HTT: variants seen among roughly 807,000 people sequenced by gnomAD.
HTT encodes huntingtin, also known as huntington disease protein.
A neutral mutation model predicts 362.3 loss-of-function variants in HTT; 104 were observed. The observed-to-expected ratio is 0.29, with a 90% CI of 0.24 to 0.34. The LOEUF is 0.34. Ranked by LOEUF, HTT falls within the 10% of genes least tolerant of loss-of-function variation. HTT has a pLI of 1.00. For synonymous variants in HTT, 1,577 were observed against 1,548.7 expected (o/e 1.02, Z -0.43); for missense variants, 3,301 against 3,928.6 (o/e 0.84, Z 4.27).
intron 4 of HTT, 125 bp downstream of exon 4, chr4:3,104,008 C>T (rs1369716903): frequency 1.6e-6 from 1 of 618,244 alleles, no homozygotes; most frequent in Non-Finnish European, 2.9e-6. Context: ...TACAGGTATA[C>T]AATACATAAT....
chr4:3,210,007 G>T (rs943079154), intron 47 of HTT, 58 bp downstream of exon 47: 13 of 1,593,574 alleles, frequency 8.2e-6, no homozygotes, highest in African/African-American at 1.3e-5. Flanking sequence ...CTTCCAAGTG[G>T]GATTTGTCTC....
At chr4:3,083,473 A>G (rs1211758088) in intron 1 of HTT, among the ~76,000 whole-genome samples, 1 of 151,092 alleles carries the variant, frequency 6.6e-6, no homozygotes, top group Admixed American at 6.6e-5. Context: ...GCAGTGAGCT[A>G]TGATTATGCC....
intron 19 of HTT, among the ~76,000 whole-genome samples, chr4:3,134,875 G>A (rs1336834117): frequency 6.6e-6 from 1 of 152,062 alleles, no homozygotes; most frequent in Non-Finnish European, 1.5e-5. Flanking sequence ...GAGAATAGGT[G>A]TGTGCCGTCA....
intron 30 of HTT, 80 bp downstream of exon 30, chr4:3,172,477 C>T (rs1206967607): frequency 9.7e-6 from 9 of 927,102 alleles, no homozygotes; most frequent in Middle Eastern, 2.1e-4. Flanking sequence ...AAGAGGCAGG[C>T]GCTGTTGGCA....
chr4:3,191,794 C>T (rs1332795961), intron 40 of HTT, among the ~76,000 whole-genome samples: 1 of 152,170 alleles, frequency 6.6e-6, no homozygotes. Context: ...TAAATCTCAT[C>T]TTTATTACGG....
chr4:3,199,104 G>A (rs1257542499), intron 40 of HTT, among the ~76,000 whole-genome samples: 1 of 152,254 alleles, frequency 6.6e-6, no homozygotes, highest in Admixed American at 6.5e-5. Context: ...GGCGCTGAGT[G>A]TTCCCTGACT....
At chr4:3,092,116 G>A (rs564443596) in intron 2 of HTT, among the ~76,000 whole-genome samples, 3 of 152,204 alleles carry the variant, frequency 2.0e-5, no homozygotes, top group Non-Finnish European at 2.9e-5. Context: ...TCTGCTTCCC[G>A]GGTTCATGTG....
At chr4:3,197,522 C>T (rs563624902) in intron 40 of HTT, among the ~76,000 whole-genome samples, 6 of 152,288 alleles carry the variant, frequency 3.9e-5, no homozygotes, top group Non-Finnish European at 5.9e-5. Context: ...GTCTCATCTT[C>T]CACCTGAACT....
chr4:3,099,377 C>G lies in HTT; in HGVS notation c.451C>G (p.Leu151Val), dbSNP rs1180551915. The G allele has an allele frequency of 6.2e-7, 1 of 1,613,704 alleles. No individual in the cohort carries two copies. Among genetic ancestry groups the G allele is most frequent in the Admixed American group, 1.7e-5 (1 of 60,016 alleles). The change falls in exon 3 of 67, where the codon CTC becomes GTC. Residue 151 changes from leucine (L) to valine (V), a missense_variant. Leu to Val is a conservative substitution (Grantham distance 32). Coordinates refer to ENST00000355072, the MANE Select transcript of HTT (RefSeq NM_001388492.1). ...SDVRMVADEC[L>V]NKVIKALMDS... is the part of the protein sequence containing the mutation. Reference sequence around the variant, plus strand: ...TGTCAGGATGGTGGCTGACGAATGCCTCAACAAAGTTATCAAAGTAAGAAC... The same window carrying G: ...TGTCAGGATGGTGGCTGACGAATGCGTCAACAAAGTTATCAAAGTAAGAAC...
chr4:3,185,715 C>T (rs1174886170), intron 37 of HTT, among the ~76,000 whole-genome samples: 1 of 152,158 alleles, frequency 6.6e-6, no homozygotes, highest in African/African-American at 2.4e-5. Context: ...GAGTTTGAGA[C>T]CAGCCTGGGC....
chr4:3,232,796 G>T (rs147996884), intron 60 of HTT, among the ~76,000 whole-genome samples: 4 of 152,214 alleles, frequency 2.6e-5, no homozygotes, highest in African/African-American at 4.8e-5. Flanking sequence ...CAGTGTCGTC[G>T]CCAGGAAAGC....
At chr4:3,151,925 A>G (rs1473472645) in intron 26 of HTT, among the ~76,000 whole-genome samples, 1 of 152,088 alleles carries the variant, frequency 6.6e-6, no homozygotes, top group East Asian at 1.9e-4. Context: ...CATTTTTTAA[A>G]AAATTTAATT....
At chr4:3,202,378 C>T (rs961225738) in intron 41 of HTT, among the ~76,000 whole-genome samples, 5 of 152,326 alleles carry the variant, frequency 3.3e-5, no homozygotes, top group Admixed American at 3.3e-4. Context: ...ACTGCCTCTT[C>T]TCTTTCAGAG....
At position 3,084,410 on chromosome 4, in the gene HTT, C is replaced by T. The variant is rs867930288; in HGVS notation, c.264-2529C>T. ...TGACATTAAAACATCAAGATCAGGTCGGACGTGGTGGCTCATGCCTGTAAT... is the reference window on the plus strand; with the variant it reads ...TGACATTAAAACATCAAGATCAGGTTGGACGTGGTGGCTCATGCCTGTAAT... On this transcript the variant is annotated intron_variant, in intron 1 of 66. Coordinates refer to ENST00000355072, the MANE Select transcript of HTT (RefSeq NM_001388492.1). Among the ~76,000 whole-genome samples, 35 of 152,096 alleles carry T rather than the reference C, an allele frequency of 2.3e-4. No individual in the cohort carries two copies. In the East Asian group the frequency reaches 4.1e-3, roughly 18 times the overall value.
At chr4:3,236,084 G>T (rs1185007984) in intron 63 of HTT, 65 bp from the exon 64 acceptor site, 1 of 1,153,330 alleles carries the variant, frequency 8.7e-7, no homozygotes, top group African/African-American at 1.5e-5. Flanking sequence ...TGTGTACAAA[G>T]CACTGTCTAC....
chr4:3,216,475 T>A (rs1163577575), intron 51 of HTT, among the ~76,000 whole-genome samples: 1 of 152,264 alleles, frequency 6.6e-6, no homozygotes, highest in Non-Finnish European at 1.5e-5. Flanking sequence ...TCCCTCCATG[T>A]AAAGCACCTG....
In HTT at chr4:3,178,377, A is replaced by T. The variant is rs1456221937; in HGVS notation, c.4543A>T (p.Ile1515Phe). The T allele has an allele frequency of 1.9e-6, 3 of 1,612,746 alleles. No homozygotes were observed. The highest frequency in any genetic ancestry group is 2.5e-6 in the Non-Finnish European group (3 of 1,178,726). The change falls in exon 35 of 67, where the codon ATT becomes TTT. Residue 1515 changes from isoleucine (I) to phenylalanine (F), a missense_variant. Physicochemically the swap from Ile to Phe is conservative, Grantham distance 21. Transcript: ENST00000355072. ...SYERYHSKQI[I>F]GIPKIIQLCD... ...TGAACGCTATCATTCAAAACAGATC[A>T]TTGGAATTCCTAAAATCATTCAGCT...
intron 6 of HTT, among the ~76,000 whole-genome samples, chr4:3,108,151 G>C (rs1398938525): frequency 6.6e-6 from 1 of 152,194 alleles, no homozygotes; most frequent in Non-Finnish European, 1.5e-5. Flanking sequence ...AACTCTGAGA[G>C]TAAAATAAAG....
In HTT at chr4:3,207,466, G is replaced by A; in HGVS notation, c.6152+109G>A. On this transcript the variant is annotated intron_variant, in intron 45 of 66. Transcript: ENST00000355072. ...GGACAAGAAATCGATGTGCCTTATA[G>A]GTGGGTTTACTGCAGAAGTGCCATA... 6 of 917,480 alleles carry A rather than the reference G, an allele frequency of 6.5e-6. No homozygotes were observed. The South Asian group carries it at 7.4e-5, about 11-fold the overall frequency. The allele number at this position is 917,480 out of a possible 1,614,324, so 56.8% of individuals were successfully genotyped here.
Sources: allele counts gnomAD v4.1 joint callset (sites outside exome capture counted in the v4.1 genomes callset), GRCh38; gene constraint gnomAD v4.1.1; transcripts MANE v1.5; gene names NCBI Gene and HGNC (gene_info 2026-07-23, HGNC 2026-07-21).